The following HECTD4 variants were observed in gnomAD, a reference collection of about 807,000 sequenced individuals.
The protein encoded by HECTD4 is HECT domain E3 ubiquitin protein ligase 4.
HECTD4 carries 114 observed loss-of-function variants against 471.5 expected under a neutral mutation model. The observed-to-expected ratio is 0.24, with a 90% CI of 0.21 to 0.28. The LOEUF is 0.28. Ranked by LOEUF, HECTD4 falls within the 10% of genes least tolerant of loss-of-function variation. The pLI, the probability that HECTD4 is intolerant of heterozygous loss-of-function variation, is 1.00. For missense variants in HECTD4, 3,866 were observed against 5,651.5 expected, an observed-to-expected ratio of 0.68 and a Z score of 10.13; for synonymous variants, 2,012 against 2,256.0, an observed-to-expected ratio of 0.89 and a Z score of 3.07.
chr12:112,303,315 A>G (rs2035203895), intron 7 of HECTD4, among the ~76,000 whole-genome samples: 1 of 152,080 alleles, frequency 6.6e-6, no homozygotes, highest in African/African-American at 2.4e-5. Flanking sequence ...AACATGCTCT[A>G]AGGCTGGTGG....
intron 21 of HECTD4, among the ~76,000 whole-genome samples, chr12:112,255,610 G>C (rs577957307): frequency 3.0e-4 from 46 of 152,252 alleles, no homozygotes; most frequent in African/African-American, 9.9e-4. Flanking sequence ...GTTCACAGGG[G>C]AGAGAGAAAA....
chr12:112,245,732 T>C (rs1430714759), intron 29 of HECTD4, among the ~76,000 whole-genome samples: 3 of 152,258 alleles, frequency 2.0e-5, no homozygotes, highest in Non-Finnish European at 2.9e-5. Flanking sequence ...ACTTTATCTC[T>C]CAGGTTAAGA....
chr12:112,217,548 C>A (rs1275861189), intron 45 of HECTD4, among the ~76,000 whole-genome samples: 1 of 152,150 alleles, frequency 6.6e-6, no homozygotes, highest in Non-Finnish European at 1.5e-5. Context: ...AAGATGAGAT[C>A]TTGCTATATT....
intron 41 of HECTD4, among the ~76,000 whole-genome samples, chr12:112,229,304 G>C (rs910482046): frequency 5.9e-5 from 9 of 151,998 alleles, no homozygotes; most frequent in Admixed American, 5.2e-4. Context: ...TTCAGCCTGG[G>C]GAACAGAGCA....
intron 1 of HECTD4, among the ~76,000 whole-genome samples, chr12:112,371,898 A>AG (rs1419472229): frequency 3.3e-5 from 5 of 151,222 alleles, no homozygotes; most frequent in Non-Finnish European, 7.4e-5. Context: ...AAAAAAAAAA[A>AG]AAAAAAAAAG....
chr12:112,378,646 T>A (rs529721787), intron 1 of HECTD4, among the ~76,000 whole-genome samples: 127 of 152,246 alleles, frequency 8.3e-4, no homozygotes, highest in South Asian at 1.2e-3. Context: ...ATTATAAAAC[T>A]CTGTGGAAAA....
chr12:112,374,740 A>G (rs1480656172), intron 1 of HECTD4, among the ~76,000 whole-genome samples: 4 of 152,244 alleles, frequency 2.6e-5, no homozygotes, highest in African/African-American at 9.6e-5. Flanking sequence ...AGGAGAATAG[A>G]CCAACATAAA....
chr12:112,257,526 A>G (rs572211154), intron 20 of HECTD4, among the ~76,000 whole-genome samples: 1 of 152,248 alleles, frequency 6.6e-6, no homozygotes, highest in African/African-American at 2.4e-5. Flanking sequence ...TAACCACTCC[A>G]TTTCTCTGCC....
chr12:112,176,468 C>G (rs973562899), intron 65 of HECTD4, 128 bp downstream of exon 65: 44 of 665,204 alleles, frequency 6.6e-5, no homozygotes, highest in Non-Finnish European at 1.1e-4. Flanking sequence ...GAACCCAGAG[C>G]CCAGAGCAGA....
chr12:112,173,072 T>C lies in HECTD4; in HGVS notation c.11595-211A>G, dbSNP rs918648182. ...CCAAGCATGCCGGTGGGAGTGGGAA[T>C]GCTGCATCCTTCTGGGAGGTGGCAC... On this transcript the variant is annotated intron_variant, in intron 66 of 75. Transcript: ENST00000682272. This position sits in a 1 kb window ranked among gnomAD's most constrained non-coding sequence, Gnocchi z 4.3. Among the ~76,000 whole-genome samples the C allele has an allele frequency of 6.6e-6, 1 of 152,184 alleles. No individual in the cohort carries two copies. Among genetic ancestry groups the C allele is most frequent in the Non-Finnish European group, 1.5e-5 (1 of 68,030 alleles).
chr12:112,333,416 A>G (rs1251771051), intron 1 of HECTD4, among the ~76,000 whole-genome samples: 1 of 152,230 alleles, frequency 6.6e-6, no homozygotes, highest in Non-Finnish European at 1.5e-5. Flanking sequence ...TGGTATGTTC[A>G]TGTAGTTTTA....
At chr12:112,185,825 G>A (rs914758208) in intron 60 of HECTD4, among the ~76,000 whole-genome samples, 1 of 152,212 alleles carries the variant, frequency 6.6e-6, no homozygotes, top group Admixed American at 6.5e-5. Context: ...TAAGTCCCTA[G>A]AATAATGTTT....
Position 112,172,717 on chromosome 12 carries a change from G to A in HECTD4, c.11739C>T (p.Tyr3913=), listed in dbSNP as rs770363521. ...GGTCAGCAGCATCCGCGGGGTCCAG[G>A]TACACCTCATGGGGATGGAGCCGTG... is the stretch of plus-strand genomic sequence containing the variant. ...TPARLHPHEV[Y]LDPADAADPR... is the part of the protein sequence containing the mutation. Residue 3913 remains tyrosine (Y), a synonymous_variant, in exon 67 of 76, where the codon TAC becomes TAT. Coordinates refer to ENST00000682272, the MANE Select transcript of HECTD4 (RefSeq NM_001388303.1). 23 of 1,613,918 alleles carry A rather than the reference G, an allele frequency of 1.4e-5. No individual in the cohort carries two copies. In the African/African-American group the frequency reaches 2.9e-4, roughly 21 times the overall value.
At chr12:112,359,989 T>C (rs1478643181) in intron 1 of HECTD4, among the ~76,000 whole-genome samples, 1 of 152,210 alleles carries the variant, frequency 6.6e-6, no homozygotes, top group African/African-American at 2.4e-5. Context: ...GGTGCAACAA[T>C]GGACTTTTCC....
Position 112,255,220 on chromosome 12 carries a change from A to G in HECTD4, c.3328-1058T>C, listed in dbSNP as rs79162705. Among the ~76,000 whole-genome samples, 316 of 152,354 alleles carry G rather than the reference A, an allele frequency of 2.1e-3. 2 individuals are homozygous for G. Among genetic ancestry groups the G allele is most frequent in the African/African-American group, 7.3e-3 (302 of 41,588 alleles). ...TAAAATGGCAGCCTCTCCCATTTCT[A>G]TATTAAAAGTCACTTCACCTGAACC... On this transcript the variant is annotated intron_variant, in intron 21 of 75. Transcript: ENST00000682272.
At chr12:112,314,107 C>T (rs1338063096) in intron 3 of HECTD4, among the ~76,000 whole-genome samples, 1 of 151,974 alleles carries the variant, frequency 6.6e-6, no homozygotes, top group Non-Finnish European at 1.5e-5. Flanking sequence ...GGTGTGATCT[C>T]GACTTACTGT....
At chr12:112,231,887 A>C (rs967079170) in intron 38 of HECTD4, among the ~76,000 whole-genome samples, 172 bp from the exon 39 acceptor site, 6 of 152,174 alleles carry the variant, frequency 3.9e-5, no homozygotes, top group African/African-American at 1.4e-4. Flanking sequence ...GGCCTCATCC[A>C]GGCTGAGATA....
At chr12:112,205,604 T>G (rs952166669) in intron 52 of HECTD4, among the ~76,000 whole-genome samples, 1 of 152,068 alleles carries the variant, frequency 6.6e-6, no homozygotes, top group Non-Finnish European at 1.5e-5. Context: ...TTTTTCTTTT[T>G]TTTTTGAGAC....
At chr12:112,308,356 C>G (rs1186941417) in intron 6 of HECTD4, among the ~76,000 whole-genome samples, 1 of 151,418 alleles carries the variant, frequency 6.6e-6, no homozygotes, top group Non-Finnish European at 1.5e-5. Flanking sequence ...TCAAAGCTCC[C>G]TTTCCCACAG....
Sources: allele counts gnomAD v4.1 joint callset (sites outside exome capture counted in the v4.1 genomes callset), GRCh38; gene constraint gnomAD v4.1.1; non-coding constraint Gnocchi (gnomAD v3.1); transcripts MANE v1.5; gene names NCBI Gene and HGNC (gene_info 2026-07-23, HGNC 2026-07-21).